The following EP300 variants were observed in gnomAD, a reference collection of about 807,000 sequenced individuals.
The protein encoded by EP300 is EP300 lysine acetyltransferase, also known as histone acetyltransferase p300.
In EP300, 31 loss-of-function variants were observed where a neutral mutation model predicts 264.0. The observed-to-expected ratio is 0.12, with a 90% confidence interval of 0.09 to 0.16. EP300 has a LOEUF of 0.16. Ranked by LOEUF, EP300 falls within the 10% of genes least tolerant of loss-of-function variation. The probability of loss-of-function intolerance (pLI) is 1.00; values close to 1 mark genes in which losing one functional copy is unlikely to be tolerated. For synonymous variants in EP300, 1,340 were observed against 1,045.4 expected, an observed-to-expected ratio of 1.28 and a Z score of -5.44; for missense variants, 2,766 against 3,052.9, an observed-to-expected ratio of 0.91 and a Z score of 2.21.
At chr22:41,165,487 G>A (rs1463861470) in intron 22 of EP300, among the ~76,000 whole-genome samples, 5 of 152,006 alleles carry the variant, frequency 3.3e-5, no homozygotes, top group East Asian at 1.9e-4. Flanking sequence ...GCAGTGGCGC[G>A]ATCTCGGCTC....
Position 41,104,184 on chromosome 22 carries a change from A to T in EP300, c.94+11086A>T, listed in dbSNP as rs74391189. On this transcript the variant is annotated intron_variant, in intron 1 of 30. Transcript: ENST00000263253. ...GTTTGCTCAAAATCAAGAAATGTTC[A>T]GTGACAGTTAAGTTAGCACACAATT... 3.5e-4 allele frequency among the ~76,000 whole-genome samples: 54 copies of T among 152,330 alleles called. No homozygotes were observed. The East Asian group carries it at 7.9e-3, about 22-fold the overall frequency.
chr22:41,177,951 G>A lies in EP300; in HGVS notation c.6240G>A (p.Leu2080=), dbSNP rs1006520558. The A allele has an allele frequency of 5.6e-6, 9 of 1,614,144 alleles. 1 individual carries two copies. In the Admixed American group the frequency reaches 8.3e-5, roughly 15 times the overall value. The change falls in exon 31 of 31, where the codon CTG becomes CTA. Residue 2080 remains leucine (L), a synonymous_variant. Transcript: ENST00000263253. Reference sequence around the variant, plus strand: ...GTATCCTTCACGCCAACCCCCAGCTGTTGGCTGCATTCATCAAGCAGCGGG... The same window carrying A: ...GTATCCTTCACGCCAACCCCCAGCTATTGGCTGCATTCATCAAGCAGCGGG... ...VLSILHANPQ[L]LAAFIKQRAA...
In EP300 at chr22:41,100,238, A is replaced by G. The variant is rs1180222221; in HGVS notation, c.94+7140A>G. Among the ~76,000 whole-genome samples the G allele has an allele frequency of 2.6e-5, 4 of 152,190 alleles. No individual in the cohort carries two copies. In the South Asian group the frequency reaches 8.3e-4, roughly 31 times the overall value. On this transcript the variant is annotated intron_variant, in intron 1 of 30. Transcript: ENST00000263253. ...GGTGACATAGCAAGACTCTGTTTCT[A>G]AAACAACAAAAATTAGTGTTTATTT...
In EP300 at chr22:41,179,056, C is replaced by T. The variant is rs1357646040; in HGVS notation, c.*100C>T. 5 of 1,435,482 alleles carry T rather than the reference C, an allele frequency of 3.5e-6. No homozygotes were observed. The Admixed American group carries it at 7.4e-5, about 21-fold the overall frequency. The allele number at this position is 1,435,482 out of a possible 1,614,324, so 88.9% of individuals were successfully genotyped here. ...TTTGAATCTTTCGTAGCCTAAAAGA[C>T]AATTTTCCTTGGAACACATAAGAAC... On this transcript the variant is annotated 3_prime_UTR_variant, in exon 31 of 31. Transcript: ENST00000263253.
chr22:41,163,039 T>TC (rs1351391114), intron 21 of EP300, among the ~76,000 whole-genome samples: 1 of 152,228 alleles, frequency 6.6e-6, no homozygotes, highest in Non-Finnish European at 1.5e-5. Flanking sequence ...GCCTTTTAGA[T>TC]CATGGAGGAC....
chr22:41,169,179 T>C (rs1418605407), intron 25 of EP300: 7 of 547,956 alleles, frequency 1.3e-5, no homozygotes, highest in South Asian at 6.2e-5. Flanking sequence ...TGTGAAAATA[T>C]ATCATACAAA....
rs142082005 is a variant in EP300, at chr22:41,131,382, C to G, written c.1283-6C>G. 35 of 1,613,516 alleles carry G rather than the reference C, an allele frequency of 2.2e-5. No homozygotes were observed. The East Asian group carries it at 7.1e-4, about 33-fold the overall frequency. ...TTTGTAATACTATATCTTTTGTCTT[C>G]TCTAGCAATTTTGACTGGAGCACCC... On this transcript the variant is annotated splice_region_variant and splice_polypyrimidine_tract_variant and intron_variant, in intron 5 of 30. Coordinates refer to ENST00000263253, the MANE Select transcript of EP300 (RefSeq NM_001429.4).
chr22:41,172,013 G>T (rs1156355140), intron 27 of EP300, among the ~76,000 whole-genome samples: 1 of 152,164 alleles, frequency 6.6e-6, no homozygotes, highest in African/African-American at 2.4e-5. Context: ...ACTAAATAAA[G>T]AAGTTTTCCT....
Position 41,157,366 on chromosome 22 carries a change from T to C in EP300, c.3459T>C (p.Ile1153=). The C allele has an allele frequency of 1.2e-6, 2 of 1,614,116 alleles. No homozygotes were observed. The highest frequency in any genetic ancestry group is 1.7e-6 in the Non-Finnish European group (2 of 1,180,024). The change falls in exon 18 of 31, where the codon ATT becomes ATC. Residue 1153 remains isoleucine, a synonymous_variant. Coordinates refer to ENST00000263253, the MANE Select transcript of EP300 (RefSeq NM_001429.4). The part of the protein sequence containing the change: ...SKLSEVFEQE[I]DPVMQSLGYC... ...TCTCTGAGGTCTTTGAACAAGAAAT[T>C]GACCCAGTGATGCAAAGCCTTGGAT...
rs138774567 is a variant in EP300 at position 41,101,604 on chromosome 22, G to T, written c.94+8506G>T. ...TTTTTTGTATTTTTAGTAGAGATGG[G>T]GTTTCACCATGTTAGGCAGGATGGT... On this transcript the variant is annotated intron_variant, in intron 1 of 30. Transcript: ENST00000263253. 4.0e-4 allele frequency among the ~76,000 whole-genome samples: 61 copies of T among 151,680 alleles called. 1 individual carries two copies. In the East Asian group the frequency reaches 9.9e-3, roughly 25 times the overall value.
rs75278256 is a variant in EP300, at chr22:41,172,181, G to A, written c.4453-318G>A. 0.034 allele frequency among the ~76,000 whole-genome samples: 5,222 copies of A among 152,274 alleles called. 129 individuals carry two copies. Among genetic ancestry groups the A allele is most frequent in the Middle Eastern group, 0.088 (26 of 294 alleles). On this transcript the variant is annotated intron_variant, in intron 27 of 30. Coordinates refer to ENST00000263253, the MANE Select transcript of EP300 (RefSeq NM_001429.4). ...CATATTCTGTGATAAGGAGTGGTAG[G>A]GGCCATGGCATGCATGATGGTGCTA...
chr22:41,149,604 C>G (rs1050637635), intron 13 of EP300, among the ~76,000 whole-genome samples, 157 bp from the exon 14 acceptor site: 1 of 152,120 alleles, frequency 6.6e-6, no homozygotes, highest in African/African-American at 2.4e-5. Context: ...TCCAAAGATA[C>G]ATGCCCAGTA....
chr22:41,093,652 C>T (rs974636358), intron 1 of EP300, among the ~76,000 whole-genome samples: 5 of 152,126 alleles, frequency 3.3e-5, no homozygotes, highest in Admixed American at 6.6e-5. Context: ...TCTTACCTAC[C>T]ATTCTTAGCT....
intron 2 of EP300, among the ~76,000 whole-genome samples, chr22:41,119,191 T>C (rs1470973604): frequency 6.9e-6 from 1 of 144,652 alleles, no homozygotes; most frequent in East Asian, 2.0e-4. Flanking sequence ...TTTTTTTTTT[T>C]TTTTTTTTTT....
chr22:41,107,707 TTTTA>T (rs987803034), intron 1 of EP300, among the ~76,000 whole-genome samples: 5 of 152,156 alleles, frequency 3.3e-5, no homozygotes, highest in Admixed American at 3.3e-4. Context: ...CGAGATTATT[TTTTA>T]TTTATTTATT....
chr22:41,160,345 C>T, intron 19 of EP300: 1 of 386,616 alleles, frequency 2.6e-6, no homozygotes. Context: ...GTCTTGCAAT[C>T]CCTCATTTCT....
chr22:41,146,078 G>A (rs2059009031), intron 10 of EP300, among the ~76,000 whole-genome samples: 1 of 151,920 alleles, frequency 6.6e-6, no homozygotes, highest in Non-Finnish European at 1.5e-5. Context: ...ATGATTCATA[G>A]CTATTATCCA....
intron 28 of EP300, among the ~76,000 whole-genome samples, chr22:41,172,995 C>T (rs1309639426): frequency 6.6e-6 from 1 of 152,174 alleles, no homozygotes; most frequent in Non-Finnish European, 1.5e-5. Flanking sequence ...TCACATATCT[C>T]TGGCATATTT....
rs1483559473 is a variant in EP300, at chr22:41,131,608, A to G, written c.1503A>G (p.Gln501=). Residue 501 remains glutamine, a synonymous_variant, in exon 6 of 31, where the codon CAA becomes CAG. Coordinates refer to ENST00000263253, the MANE Select transcript of EP300 (RefSeq NM_001429.4). ...ATCAGCAGCCTGGGCAGTCTCCCCAAGGCATGCGGCCCATGAGCAACATGA... is the reference window on the plus strand; with the variant it reads ...ATCAGCAGCCTGGGCAGTCTCCCCAGGGCATGCGGCCCATGAGCAACATGA... ...QQNQQPGQSP[Q]GMRPMSNMSA... is the part of the protein sequence containing the mutation. 1.2e-6 allele frequency: 2 copies of G among 1,614,182 alleles called. No individual in the cohort carries two copies. The highest frequency in any genetic ancestry group is 1.1e-5 in the South Asian group (1 of 91,088).
Sources: gnomAD v4.1 joint callset for allele counts (sites outside exome capture counted in the v4.1 genomes callset) on GRCh38, gnomAD v4.1.1 for gene constraint, MANE v1.5 for transcripts, NCBI Gene and HGNC (gene_info 2026-07-23, HGNC 2026-07-21) for gene names.